The following ASCC1 variants were observed in gnomAD, a reference collection of about 807,000 sequenced individuals.
ASCC1 encodes activating signal cointegrator 1 complex subunit 1.
ASCC1 carries 35 observed loss-of-function variants against 46.6 expected under a neutral mutation model. The ratio of observed to expected loss-of-function variants is 0.75; its 90% CI spans 0.57 to 0.99. The LOEUF (loss-of-function observed/expected upper bound fraction) is 0.99, where lower values mean the gene tolerates loss of function less well. ASCC1 is among the 50% of genes least tolerant of loss of function. ASCC1 has a pLI of 0.00. For missense variants in ASCC1, 376 were observed against 428.7 expected, an observed-to-expected ratio of 0.88 and a Z score of 1.09; for synonymous variants, 143 against 146.6, an observed-to-expected ratio of 0.98 and a Z score of 0.18.
At chr10:72,136,581 G>A (rs751409504) in intron 7 of ASCC1, among the ~76,000 whole-genome samples, 14 of 152,218 alleles carry the variant, frequency 9.2e-5, no homozygotes, top group Non-Finnish European at 1.6e-4. Context: ...AGGGGGATGT[G>A]GGCGGGGCCA....
At position 72,108,926 on chromosome 10, in the gene ASCC1, A is replaced by G. The variant is rs564362380; in HGVS notation, c.958-11476T>C. ...TCATTATCTGGTCTCATAGGGCTGTAATATTTTTAAAGACCAAAATAGGAA... is the reference window on the plus strand; with the variant it reads ...TCATTATCTGGTCTCATAGGGCTGTGATATTTTTAAAGACCAAAATAGGAA... On this transcript the variant is annotated intron_variant, in intron 9 of 9. Transcript: ENST00000672957. 6.6e-5 allele frequency among the ~76,000 whole-genome samples: 10 copies of G among 152,342 alleles called. No homozygotes were observed. In the East Asian group the frequency reaches 1.3e-3, roughly 21 times the overall value.
At chr10:72,136,299 G>A (rs1320756452) in intron 7 of ASCC1, among the ~76,000 whole-genome samples, 1 of 151,986 alleles carries the variant, frequency 6.6e-6, no homozygotes, top group South Asian at 2.1e-4. Flanking sequence ...TCAGCGCTCT[G>A]TGTCTAGCTA....
Position 72,096,035 on chromosome 10 carries a change from C to G in ASCC1, c.*1299G>C, listed in dbSNP as rs181049094. The G allele has an allele frequency of 4.6e-6, 2 of 435,206 alleles. No homozygotes were observed. The highest frequency in any genetic ancestry group is 3.2e-5 in the South Asian group (2 of 61,632). The allele number at this position is 435,206 out of a possible 1,614,324, so 27.0% of individuals were successfully genotyped here. ...TATGTGATCATACTAACAGAAACAC[C>G]GTTAAACATTTTATTCACAAGTGAT... On this transcript the variant is annotated 3_prime_UTR_variant, in exon 10 of 10. Transcript: ENST00000672957.
At chr10:72,201,190 C>T (rs1361028213) in intron 4 of ASCC1, among the ~76,000 whole-genome samples, 1 of 152,012 alleles carries the variant, frequency 6.6e-6, no homozygotes, top group East Asian at 1.9e-4. Flanking sequence ...CTCTGTCACC[C>T]AGGCTGGAGT....
At chr10:72,098,395 T>C (rs1841342183) in intron 9 of ASCC1, among the ~76,000 whole-genome samples, 1 of 152,218 alleles carries the variant, frequency 6.6e-6, no homozygotes, top group Non-Finnish European at 1.5e-5. Context: ...GTCTCTCGCT[T>C]TGTTGCCCAG....
chr10:72,097,131 C>A lies in ASCC1; in HGVS notation c.*203G>T. The A allele has an allele frequency of 1.5e-6, 1 of 654,598 alleles. No homozygotes were observed. 40.5% of individuals were successfully genotyped at this position (654,598 alleles called of 1,614,324 possible). ...CAGAACACACTAAGGGTTATAGGCA[C>A]AAATTCTCCTTATGCCCACCACCAT... On this transcript the variant is annotated 3_prime_UTR_variant, in exon 10 of 10. Transcript: ENST00000672957.
intron 5 of ASCC1, among the ~76,000 whole-genome samples, chr10:72,192,874 A>T (rs1854757659): frequency 6.6e-6 from 1 of 152,248 alleles, no homozygotes; most frequent in South Asian, 2.1e-4. Flanking sequence ...AAAAAAGCAC[A>T]TGAAAAAATG....
intron 5 of ASCC1, among the ~76,000 whole-genome samples, chr10:72,174,452 T>C (rs1293401287): frequency 2.0e-5 from 3 of 152,116 alleles, no homozygotes; most frequent in African/African-American, 7.2e-5. Flanking sequence ...CAACCATCCT[T>C]TCCATGAGAT....
chr10:72,177,086 T>C (rs1206627382), intron 5 of ASCC1, among the ~76,000 whole-genome samples: 1 of 152,204 alleles, frequency 6.6e-6, no homozygotes, highest in Non-Finnish European at 1.5e-5. Flanking sequence ...TAATATGTCC[T>C]ATATGTTATA....
At chr10:72,203,390 G>A in intron 4 of ASCC1, 37 bp downstream of exon 4, 1 of 1,458,748 alleles carries the variant, frequency 6.9e-7, no homozygotes, top group Non-Finnish European at 9.6e-7. Flanking sequence ...ACATGCAAAA[G>A]TGACTTCAAA....
At chr10:72,155,167 T>G (rs986212281) in intron 6 of ASCC1, among the ~76,000 whole-genome samples, 1 of 152,184 alleles carries the variant, frequency 6.6e-6, no homozygotes, top group Non-Finnish European at 1.5e-5. Flanking sequence ...ACTGGTTGCC[T>G]CTAGAGAGGA....
At chr10:72,122,118 G>A (rs1844273962) in intron 9 of ASCC1, among the ~76,000 whole-genome samples, 2 of 152,116 alleles carry the variant, frequency 1.3e-5, no homozygotes, top group South Asian at 2.1e-4. Context: ...CAAAATAGGT[G>A]GAAATTAAAC....
intron 5 of ASCC1, among the ~76,000 whole-genome samples, chr10:72,195,139 GTTTTT>G (rs142672810): frequency 4.9e-5 from 3 of 61,020 alleles, no homozygotes; most frequent in African/African-American, 2.0e-4. Flanking sequence ...TTTTTGCTGT[GTTTTT>G]TTTTTTTTTT....
intron 6 of ASCC1, among the ~76,000 whole-genome samples, chr10:72,156,241 G>T (rs902097755): frequency 6.6e-6 from 1 of 152,288 alleles, no homozygotes. Flanking sequence ...TCCTGCTTCT[G>T]CTATGTGATG....
intron 4 of ASCC1, 73 bp from the exon 5 acceptor site, chr10:72,197,062 G>A: frequency 6.8e-7 from 1 of 1,470,348 alleles, no homozygotes; most frequent in Non-Finnish European, 9.5e-7. Context: ...TCTTGATACT[G>A]TCACCTCTGA....
At chr10:72,203,173 C>T (rs547151611) in intron 4 of ASCC1, among the ~76,000 whole-genome samples, 1 of 151,740 alleles carries the variant, frequency 6.6e-6, no homozygotes, top group South Asian at 2.1e-4. Flanking sequence ...GTAATCCCAG[C>T]TACTAGGGAG....
chr10:72,208,973 G>A (rs1857633989), intron 3 of ASCC1, among the ~76,000 whole-genome samples: 1 of 152,060 alleles, frequency 6.6e-6, no homozygotes, highest in African/African-American at 2.4e-5. Flanking sequence ...AGACCGGCCT[G>A]GGCAATATGG....
At chr10:72,129,572 C>T (rs1845313343) in intron 8 of ASCC1, among the ~76,000 whole-genome samples, 1 of 151,970 alleles carries the variant, frequency 6.6e-6, no homozygotes, top group Non-Finnish European at 1.5e-5. Context: ...GAGGCCGGGA[C>T]AGGTGGATCA....
At position 72,110,513 on chromosome 10, in the gene ASCC1, G is replaced by A. The variant is rs540932219; in HGVS notation, c.958-13063C>T. Among the ~76,000 whole-genome samples, 20 of 152,386 alleles carry A rather than the reference G, an allele frequency of 1.3e-4. No individual in the cohort carries two copies. The East Asian group carries it at 3.9e-3, about 29-fold the overall frequency. ...GAAGTTAAAGAGCAAATCAGGCCGGGCGCAGTGGCCCATGCCTGTAATCCT... is the reference window on the plus strand; with the variant it reads ...GAAGTTAAAGAGCAAATCAGGCCGGACGCAGTGGCCCATGCCTGTAATCCT... On this transcript the variant is annotated intron_variant, in intron 9 of 9. Transcript: ENST00000672957.
Sources: allele counts gnomAD v4.1 joint callset (sites outside exome capture counted in the v4.1 genomes callset), GRCh38; gene constraint gnomAD v4.1.1; transcripts MANE v1.5; gene names NCBI Gene and HGNC (gene_info 2026-07-23, HGNC 2026-07-21).